RAB10: variants seen among roughly 807,000 people sequenced by gnomAD.
RAB10 encodes RAB10, member RAS oncogene family, also known as ras-related protein Rab-10.
In RAB10, 5 loss-of-function variants were observed where a neutral mutation model predicts 25.7. That is an observed-to-expected ratio of 0.19 (90% CI 0.10 to 0.41). The LOEUF is 0.41. RAB10 is among the 10% of genes least tolerant of loss of function. The pLI is 1.00. For synonymous variants in RAB10, 89 were observed against 86.4 expected, an observed-to-expected ratio of 1.03 and a Z score of -0.16; for missense variants, 103 against 245.8, an observed-to-expected ratio of 0.42 and a Z score of 3.89.
At chr2:26,082,369 A>G (rs1029444432) in intron 1 of RAB10, among the ~76,000 whole-genome samples, 5 of 152,138 alleles carry the variant, frequency 3.3e-5, no homozygotes, top group African/African-American at 9.6e-5. Flanking sequence ...TTGGAGTGCT[A>G]TATTAATATT....
chr2:26,057,433 TA>T lies in RAB10; in HGVS notation c.127+22713del, dbSNP rs779719282. Reference sequence around the variant, plus strand: ...CAGCCTGGGCAACATAGACAGTCTCTAAAAAAAAAAAAAAATTAAAAAATAA... The same window carrying T: ...CAGCCTGGGCAACATAGACAGTCTCTAAAAAAAAAAAAAATTAAAAAATAA... On this transcript the variant is annotated intron_variant, in intron 1 of 5. Transcript: ENST00000264710. Among the ~76,000 whole-genome samples the T allele has an allele frequency of 8.9e-3, 1,110 of 125,274 alleles. 7 individuals are homozygous for T. Among genetic ancestry groups the T allele is most frequent in the African/African-American group, 0.023 (747 of 32,786 alleles). The allele number at this position is 125,274 out of a possible 152,430, so 82.2% of individuals were successfully genotyped here. A position where few individuals can be genotyped will look rare whatever the true frequency, so the allele number is the denominator to read the frequency against.
Position 26,064,048 on chromosome 2 carries a change from C to T in RAB10, c.127+29313C>T, listed in dbSNP as rs562970513. On this transcript the variant is annotated intron_variant, in intron 1 of 5. Transcript: ENST00000264710. ...AACTCCTGACCACAGCTGATCTGCC[C>T]GCCTTGGTGGTAATGTCTTTCTCAA... Among the ~76,000 whole-genome samples, 14 of 152,176 alleles carry T rather than the reference C, an allele frequency of 9.2e-5. No individual in the cohort carries two copies. In the South Asian group the frequency reaches 2.1e-3, roughly 23 times the overall value.
At chr2:26,121,364 T>C (rs1366582263) in intron 3 of RAB10, among the ~76,000 whole-genome samples, 1 of 151,892 alleles carries the variant, frequency 6.6e-6, no homozygotes, top group Non-Finnish European at 1.5e-5. Context: ...TATTTTTGTT[T>C]AAAGAGATGG....
intron 1 of RAB10, among the ~76,000 whole-genome samples, chr2:26,092,621 C>T (rs1380960080): frequency 6.6e-6 from 1 of 152,014 alleles, no homozygotes; most frequent in Non-Finnish European, 1.5e-5. Context: ...TGAAAACAGC[C>T]CAAATTCTTA....
intron 1 of RAB10, among the ~76,000 whole-genome samples, chr2:26,074,785 A>G (rs1666697568): frequency 6.6e-6 from 1 of 152,192 alleles, no homozygotes; most frequent in Non-Finnish European, 1.5e-5. Flanking sequence ...AGTCGAACTC[A>G]TGTCACTTAT....
At chr2:26,049,820 C>G (rs1020943903) in intron 1 of RAB10, among the ~76,000 whole-genome samples, 1 of 152,160 alleles carries the variant, frequency 6.6e-6, no homozygotes, top group Non-Finnish European at 1.5e-5. Flanking sequence ...AAGTAGCCTA[C>G]TATATTTCCT....
chr2:26,100,106 G>A (rs974478690), intron 2 of RAB10, among the ~76,000 whole-genome samples: 1 of 152,074 alleles, frequency 6.6e-6, no homozygotes, highest in Non-Finnish European at 1.5e-5. Flanking sequence ...GTTGCCCAGG[G>A]CTAAAAATAG....
chr2:26,096,385 A>G (rs1005826278), intron 1 of RAB10, among the ~76,000 whole-genome samples: 7 of 144,818 alleles, frequency 4.8e-5, no homozygotes, highest in Admixed American at 1.4e-4. Flanking sequence ...TGCTTGCCAT[A>G]GTGGGTGGGT....
At chr2:26,084,675 A>T (rs1666939790) in intron 1 of RAB10, among the ~76,000 whole-genome samples, 1 of 152,180 alleles carries the variant, frequency 6.6e-6, no homozygotes, top group Non-Finnish European at 1.5e-5. Flanking sequence ...AGGGAAGTTT[A>T]TAAGGTTCTA....
At chr2:26,127,048 A>G in intron 3 of RAB10, 96 bp from the exon 4 acceptor site, 1 of 901,500 alleles carries the variant, frequency 1.1e-6, no homozygotes, top group Non-Finnish European at 1.7e-6. Flanking sequence ...AAGCTATAGA[A>G]ATGACCCTCT....
Position 26,122,165 on chromosome 2 carries a change from T to C in RAB10, c.328-4979T>C, listed in dbSNP as rs1016087852. On this transcript the variant is annotated intron_variant, in intron 3 of 5. Coordinates refer to ENST00000264710, the MANE Select transcript of RAB10 (RefSeq NM_016131.5). ...GGTCTGCAGCTGTGGTTGCCCGTTA[T>C]TTCAAGATAAATTAATCCAGCATAA... Among the ~76,000 whole-genome samples, 3 of 152,248 alleles carry C rather than the reference T, an allele frequency of 2.0e-5. No individual in the cohort carries two copies. In the East Asian group the frequency reaches 5.8e-4, roughly 29 times the overall value.
chr2:26,043,118 G>A (rs1489895944), intron 1 of RAB10, among the ~76,000 whole-genome samples: 3 of 152,036 alleles, frequency 2.0e-5, no homozygotes, highest in South Asian at 4.1e-4. Flanking sequence ...TTATATCCAG[G>A]ATAATTTAAA....
intron 1 of RAB10, among the ~76,000 whole-genome samples, chr2:26,044,317 A>G (rs1266102464): frequency 2.0e-5 from 3 of 152,196 alleles, no homozygotes; most frequent in Non-Finnish European, 4.4e-5. Flanking sequence ...GTGAATCAAG[A>G]GGATCCTTTA....
chr2:26,109,037 G>A (rs1035877046), intron 2 of RAB10, among the ~76,000 whole-genome samples: 2 of 151,750 alleles, frequency 1.3e-5, no homozygotes, highest in African/African-American at 2.4e-5. Flanking sequence ...TCAGCCTCCC[G>A]AGCAGGTGGG....
At chr2:26,111,329 GC>G (rs1667565616) in intron 3 of RAB10, among the ~76,000 whole-genome samples, 1 of 152,118 alleles carries the variant, frequency 6.6e-6, no homozygotes, top group Admixed American at 6.5e-5. Context: ...TCTTGGCTGG[GC>G]GCGGTGGCTC....
intron 5 of RAB10, among the ~76,000 whole-genome samples, chr2:26,128,697 G>A (rs1667951959): frequency 6.6e-6 from 1 of 152,146 alleles, no homozygotes; most frequent in Admixed American, 6.6e-5. Flanking sequence ...TAAAGGGCGT[G>A]TACATATTCT....
At position 26,097,014 on chromosome 2, in the gene RAB10, C is replaced by T. The variant is rs573940027; in HGVS notation, c.128-1648C>T. Reference sequence around the variant, plus strand: ...AGGCCGGTGGGTCACTTTGAGCGTTCGAGACCAGCCTGGGCAACGTGGCAA... The same window carrying T: ...AGGCCGGTGGGTCACTTTGAGCGTTTGAGACCAGCCTGGGCAACGTGGCAA... On this transcript the variant is annotated intron_variant, in intron 1 of 5. Coordinates refer to ENST00000264710, the MANE Select transcript of RAB10 (RefSeq NM_016131.5). 1.8e-3 allele frequency among the ~76,000 whole-genome samples: 267 copies of T among 152,064 alleles called. 3 individuals are homozygous for T. Among genetic ancestry groups the T allele is most frequent in the Non-Finnish European group, 4.6e-4 (31 of 67,970 alleles).
At chr2:26,133,236 A>G (rs1236133104) in intron 5 of RAB10, among the ~76,000 whole-genome samples, 1 of 152,120 alleles carries the variant, frequency 6.6e-6, no homozygotes, top group Non-Finnish European at 1.5e-5. Flanking sequence ...TATTGTTTCC[A>G]TGAGAGAATA....
chr2:26,042,740 C>T (rs1160004534), intron 1 of RAB10: 7 of 151,556 alleles, frequency 4.6e-5, no homozygotes, highest in South Asian at 2.1e-4. Flanking sequence ...ATGGTCCCTG[C>T]GCAAGGATGA....
Sources: allele counts gnomAD v4.1 joint callset (sites outside exome capture counted in the v4.1 genomes callset), GRCh38; gene constraint gnomAD v4.1.1; transcripts MANE v1.5; gene names NCBI Gene and HGNC (gene_info 2026-07-23, HGNC 2026-07-21).